SPAG16: variants seen among roughly 807,000 people sequenced by gnomAD.
SPAG16 encodes the protein sperm-associated antigen 16 protein.
In SPAG16, 86 loss-of-function variants were observed where a neutral mutation model predicts 80.4. That is an observed-to-expected ratio of 1.07 (90% CI 0.90 to 1.28). SPAG16 has a LOEUF of 1.28. SPAG16 is among the 50% of genes most tolerant of loss of function. The pLI, the probability that SPAG16 is intolerant of heterozygous loss-of-function variation, is 0.00. For synonymous variants in SPAG16, 294 were observed against 265.9 expected (o/e 1.11, Z -1.03); for missense variants, 870 against 765.3 (o/e 1.14, Z -1.61).
intron 6 of SPAG16, among the ~76,000 whole-genome samples, chr2:213,350,243 AGCAGCAATCT>A (rs1220991261): frequency 2.0e-5 from 3 of 152,164 alleles, no homozygotes; most frequent in African/African-American, 7.2e-5. Flanking sequence ...TTTCATGGGT[AGCAGCAATCT>A]TCTGAGTACA....
At position 213,284,507 on chromosome 2, in the gene SPAG16, C is replaced by T. The variant is rs1185963920; in HGVS notation, c.24C>T (p.Pro8=). The T allele has an allele frequency of 1.3e-6, 2 of 1,577,710 alleles. No individual in the cohort carries two copies. Among genetic ancestry groups the T allele is most frequent in the African/African-American group, 1.3e-5 (1 of 74,310 alleles). ...AGATGGCTGCTCAGCGAGGGATGCC[C>T]AGCTCCGCCGTGAGGGTCCTGGAAG... MAAQRGM[P]SSAVRVLEEA... is the part of the protein sequence containing the mutation. The change falls in exon 1 of 16, where the codon CCC becomes CCT. Residue 8 remains proline (P), a synonymous_variant. Transcript: ENST00000331683.
chr2:214,367,806 C>T (rs1699572613), intron 15 of SPAG16, among the ~76,000 whole-genome samples: 1 of 152,128 alleles, frequency 6.6e-6, no homozygotes, highest in Non-Finnish European at 1.5e-5. Context: ...CCCAGCTCCA[C>T]TTTTTTTCCT....
intron 12 of SPAG16, among the ~76,000 whole-genome samples, chr2:213,947,341 C>G (rs910801760): frequency 2.6e-5 from 4 of 152,116 alleles, no homozygotes; most frequent in African/African-American, 9.7e-5. Flanking sequence ...TTCTCTGCAT[C>G]CTTATCAGCA....
chr2:213,657,269 GT>G lies in SPAG16; in HGVS notation c.1070+167183del, dbSNP rs558370372. 1.5e-3 allele frequency among the ~76,000 whole-genome samples: 234 copies of G among 152,244 alleles called. 2 individuals are homozygous for G. Among genetic ancestry groups the G allele is most frequent in the African/African-American group, 5.2e-3 (215 of 41,560 alleles). On this transcript the variant is annotated intron_variant, in intron 10 of 15. Transcript: ENST00000331683. The stretch of plus-strand genomic sequence containing the variant: ...ATTTTAAACATACATAAATAAGTAT[GT>G]TTTAAGTCCTTCAATGAAGGCACTT...
At chr2:214,322,803 C>G (rs1391263382) in intron 15 of SPAG16, among the ~76,000 whole-genome samples, 1 of 152,076 alleles carries the variant, frequency 6.6e-6, no homozygotes, top group Non-Finnish European at 1.5e-5. Flanking sequence ...AAGCTATGCC[C>G]CCATAACCTT....
intron 15 of SPAG16, among the ~76,000 whole-genome samples, chr2:214,394,170 T>C (rs2126132420): frequency 6.6e-6 from 1 of 152,352 alleles, no homozygotes; most frequent in African/African-American, 2.4e-5. Flanking sequence ...TTTCTGTCTC[T>C]ATTTCTCTCT....
intron 7 of SPAG16, among the ~76,000 whole-genome samples, chr2:213,352,056 TCA>T (rs1264834475): frequency 1.3e-5 from 2 of 151,976 alleles, no homozygotes; most frequent in Non-Finnish European, 2.9e-5. Context: ...TTGCTTGCAC[TCA>T]CTCTCTTTCC....
Position 213,953,571 on chromosome 2 carries a change from A to G in SPAG16, c.1400+23426A>G, listed in dbSNP as rs184615040. 7.9e-5 allele frequency among the ~76,000 whole-genome samples: 12 copies of G among 151,982 alleles called. No individual in the cohort carries two copies. The East Asian group carries it at 2.3e-3, about 29-fold the overall frequency. ...CACATACATCATGGTGAATTTGGAAATTTTTAAAAAATGAAATTGAGAAAT... is the reference window on the plus strand; with the variant it reads ...CACATACATCATGGTGAATTTGGAAGTTTTTAAAAAATGAAATTGAGAAAT... On this transcript the variant is annotated intron_variant, in intron 12 of 15. Transcript: ENST00000331683.
At chr2:213,724,027 C>T (rs903746706) in intron 10 of SPAG16, among the ~76,000 whole-genome samples, 1 of 152,226 alleles carries the variant, frequency 6.6e-6, no homozygotes, top group African/African-American at 2.4e-5. Context: ...GCTTTAACTT[C>T]TTCCTCCCCA....
At chr2:214,158,302 A>G (rs1487103952) in intron 15 of SPAG16, among the ~76,000 whole-genome samples, 1 of 152,084 alleles carries the variant, frequency 6.6e-6, no homozygotes, top group African/African-American at 2.4e-5. Context: ...AAAATAAAAC[A>G]TCAAAATGTA....
intron 10 of SPAG16, among the ~76,000 whole-genome samples, chr2:213,599,925 A>T (rs1224698826): frequency 6.6e-6 from 1 of 151,924 alleles, no homozygotes; most frequent in Non-Finnish European, 1.5e-5. Flanking sequence ...TGACCTCCCG[A>T]TCCACCCGCC....
At chr2:213,965,291 A>G (rs991019911) in intron 12 of SPAG16, among the ~76,000 whole-genome samples, 1 of 152,068 alleles carries the variant, frequency 6.6e-6, no homozygotes, top group Non-Finnish European at 1.5e-5. Flanking sequence ...TCAACTTTTG[A>G]TTTTTTGACT....
At chr2:214,102,685 T>C (rs1239427222) in intron 13 of SPAG16, among the ~76,000 whole-genome samples, 1 of 152,092 alleles carries the variant, frequency 6.6e-6, no homozygotes, top group Admixed American at 6.6e-5. Context: ...TTACCCTGAT[T>C]TACCGACGGC....
At chr2:213,860,442 G>GAT (rs2075388746) in intron 10 of SPAG16, among the ~76,000 whole-genome samples, 1 of 108,194 alleles carries the variant, frequency 9.2e-6, no homozygotes, top group East Asian at 2.8e-4. Context: ...TATATTTATA[G>GAT]ATATATGTAT....
chr2:213,388,409 G>A (rs2067562843), intron 9 of SPAG16, among the ~76,000 whole-genome samples: 1 of 152,140 alleles, frequency 6.6e-6, no homozygotes, highest in Non-Finnish European at 1.5e-5. Flanking sequence ...CCACTTTGGG[G>A]AGCCAAACAT....
chr2:213,868,161 T>A (rs1337856760), intron 11 of SPAG16, among the ~76,000 whole-genome samples: 1 of 152,104 alleles, frequency 6.6e-6, no homozygotes, highest in East Asian at 1.9e-4. Flanking sequence ...TCAAAATGTA[T>A]GTTATCTAAC....
At chr2:213,530,682 A>G (rs1023864939) in intron 10 of SPAG16, among the ~76,000 whole-genome samples, 7 of 152,168 alleles carry the variant, frequency 4.6e-5, no homozygotes, top group African/African-American at 1.7e-4. Context: ...TGGCAATAAT[A>G]TGAACACTTC....
At chr2:213,971,224 C>G (rs55762327) in intron 12 of SPAG16, among the ~76,000 whole-genome samples, 1 of 152,094 alleles carries the variant, frequency 6.6e-6, no homozygotes, top group Non-Finnish European at 1.5e-5. Context: ...TGTTGACATT[C>G]TAAATCCAAG....
intron 10 of SPAG16, among the ~76,000 whole-genome samples, chr2:213,703,869 T>C (rs186230237): frequency 6.6e-6 from 1 of 152,368 alleles, no homozygotes; most frequent in East Asian, 1.9e-4. Flanking sequence ...TGGCAGATCC[T>C]CCTACCCAAT....
Sources: allele counts gnomAD v4.1 joint callset (sites outside exome capture counted in the v4.1 genomes callset), GRCh38; gene constraint gnomAD v4.1.1; transcripts MANE v1.5; gene names NCBI Gene and HGNC (gene_info 2026-07-23, HGNC 2026-07-21).